Variants in GRIK2 observed in about 807,000 individuals in gnomAD.
GRIK2 encodes glutamate receptor ionotropic, kainate 2.
In GRIK2, 32 loss-of-function variants were observed where a neutral mutation model predicts 100.3. The ratio of observed to expected loss-of-function variants is 0.32; its 90% CI spans 0.24 to 0.43. The LOEUF (loss-of-function observed/expected upper bound fraction) is 0.43. GRIK2 is among the 20% of genes least tolerant of loss of function. The probability of loss-of-function intolerance (pLI) is 1.00; values close to 1 mark genes in which losing one functional copy is unlikely to be tolerated. For synonymous variants in GRIK2, 417 were observed against 389.4 expected (o/e 1.07, Z -0.83); for missense variants, 843 against 1,114.9 (o/e 0.76, Z 3.47).
chr6:101,815,649 T>G (rs893929852), intron 9 of GRIK2, among the ~76,000 whole-genome samples: 2 of 151,518 alleles, frequency 1.3e-5, no homozygotes, highest in African/African-American at 4.9e-5. Context: ...TTCAAAGGCT[T>G]GATCAAGTCA....
intron 2 of GRIK2, among the ~76,000 whole-genome samples, chr6:101,448,831 A>G (rs1770513626): frequency 6.6e-6 from 1 of 151,670 alleles, no homozygotes; most frequent in Non-Finnish European, 1.5e-5. Flanking sequence ...GTAGAAGCAT[A>G]TGGCTAGAAA....
At chr6:101,920,858 A>G (rs1394071563) in intron 12 of GRIK2, among the ~76,000 whole-genome samples, 1 of 151,822 alleles carries the variant, frequency 6.6e-6, no homozygotes, top group Non-Finnish European at 1.5e-5. Context: ...GATATTTTAT[A>G]TATGGACAAT....
chr6:101,739,747 C>T (rs957652085), intron 7 of GRIK2, among the ~76,000 whole-genome samples: 4 of 152,134 alleles, frequency 2.6e-5, no homozygotes, highest in Non-Finnish European at 5.9e-5. Context: ...TTCTTCTCCT[C>T]TAACCTACTT....
At chr6:101,955,324 G>C (rs1334053789) in intron 14 of GRIK2, among the ~76,000 whole-genome samples, 1 of 151,974 alleles carries the variant, frequency 6.6e-6, no homozygotes, top group Non-Finnish European at 1.5e-5. Flanking sequence ...AAAGCCGTTT[G>C]GTCCTAAGCT....
intron 2 of GRIK2, among the ~76,000 whole-genome samples, chr6:101,404,287 A>G (rs567573548): frequency 1.1e-4 from 17 of 152,376 alleles, no homozygotes; most frequent in African/African-American, 3.8e-4. Context: ...GGAAAATACC[A>G]TAGATCAAAC....
At chr6:101,968,377 G>GTT (rs1792829198) in intron 14 of GRIK2, among the ~76,000 whole-genome samples, 1 of 151,844 alleles carries the variant, frequency 6.6e-6, no homozygotes, top group African/African-American at 2.4e-5. Flanking sequence ...TTTCTTTACT[G>GTT]AATAAAACAA....
At chr6:101,917,707 T>C (rs1159139404) in intron 12 of GRIK2, among the ~76,000 whole-genome samples, 1 of 151,488 alleles carries the variant, frequency 6.6e-6, no homozygotes, top group Non-Finnish European at 1.5e-5. Flanking sequence ...ATAGTAATCA[T>C]CCTTCAAAAT....
chr6:101,420,971 TG>T (rs1184584648), intron 2 of GRIK2, among the ~76,000 whole-genome samples: 3 of 152,230 alleles, frequency 2.0e-5, no homozygotes, highest in South Asian at 4.2e-4. Flanking sequence ...GGAAAAGACA[TG>T]GGGCCAGTGC....
intron 7 of GRIK2, among the ~76,000 whole-genome samples, chr6:101,758,065 C>G (rs144001207): frequency 1.3e-3 from 202 of 152,040 alleles, no homozygotes; most frequent in African/African-American, 4.7e-3. Context: ...CCCAACTTTA[C>G]AAAAAATACT....
At chr6:101,970,683 T>A (rs1317507668) in intron 14 of GRIK2, among the ~76,000 whole-genome samples, 3 of 144,218 alleles carry the variant, frequency 2.1e-5, no homozygotes, top group African/African-American at 8.8e-5. Context: ...TCATGCCCCA[T>A]CCCAATATTT....
At chr6:101,429,486 G>A (rs1769252362) in intron 2 of GRIK2, among the ~76,000 whole-genome samples, 1 of 152,116 alleles carries the variant, frequency 6.6e-6, no homozygotes, top group Non-Finnish European at 1.5e-5. Context: ...CACAGACCAA[G>A]AATTATCTTG....
At chr6:101,579,866 AAAG>A (rs1263560971) in intron 2 of GRIK2, among the ~76,000 whole-genome samples, 1 of 151,676 alleles carries the variant, frequency 6.6e-6, no homozygotes, top group Admixed American at 6.6e-5. Context: ...AAAAAAAAAA[AAAG>A]AAATGCATTT....
At chr6:101,590,119 G>T (rs1348760676) in intron 2 of GRIK2, among the ~76,000 whole-genome samples, 2 of 151,874 alleles carry the variant, frequency 1.3e-5, no homozygotes, top group African/African-American at 4.8e-5. Context: ...GGAAACTCAG[G>T]CTTGTTTTTC....
intron 2 of GRIK2, among the ~76,000 whole-genome samples, chr6:101,418,492 G>A (rs1856309): frequency 0.69 from 104,465 of 151,972 alleles, 36,205 homozygotes; most frequent in East Asian, 0.92. Context: ...CTCTACAGAC[G>A]TCAAAGACTC....
At chr6:101,454,099 A>G (rs1770861971) in intron 2 of GRIK2, among the ~76,000 whole-genome samples, 1 of 152,040 alleles carries the variant, frequency 6.6e-6, no homozygotes, top group Non-Finnish European at 1.5e-5. Context: ...CTGAAGGAAG[A>G]AGGCCGATTT....
At chr6:101,469,298 T>C (rs966867594) in intron 2 of GRIK2, among the ~76,000 whole-genome samples, 13 of 152,134 alleles carry the variant, frequency 8.5e-5, no homozygotes, top group African/African-American at 2.9e-4. Flanking sequence ...GGAAAAACTG[T>C]TACTGGCATG....
chr6:101,917,031 G>A (rs1789160809), intron 12 of GRIK2, among the ~76,000 whole-genome samples: 1 of 151,502 alleles, frequency 6.6e-6, no homozygotes, highest in South Asian at 2.1e-4. Context: ...AGGTGGTAAG[G>A]TTGTCTATTA....
chr6:102,033,929 T>TA (rs1253972318), intron 14 of GRIK2, among the ~76,000 whole-genome samples: 1 of 151,448 alleles, frequency 6.6e-6, no homozygotes, highest in African/African-American at 2.4e-5. Context: ...CAACATGTCT[T>TA]AAAGTTGGTT....
chr6:101,750,595 A>G lies in GRIK2; in HGVS notation c.952-49053A>G, dbSNP rs145477486. 2.6e-3 allele frequency among the ~76,000 whole-genome samples: 394 copies of G among 152,366 alleles called. 4 individuals carry two copies. The highest frequency in any genetic ancestry group is 8.9e-3 in the African/African-American group (372 of 41,590). On this transcript the variant is annotated intron_variant, in intron 7 of 16. Transcript: ENST00000369134. ...ATTGCACATATCTATAGCACAAGCTATAGTAACAAGACTTATCAATATCTC... is the reference window on the plus strand; with the variant it reads ...ATTGCACATATCTATAGCACAAGCTGTAGTAACAAGACTTATCAATATCTC...
Sources: allele counts gnomAD v4.1 joint callset (sites outside exome capture counted in the v4.1 genomes callset), GRCh38; gene constraint gnomAD v4.1.1; transcripts MANE v1.5; gene names NCBI Gene and HGNC (gene_info 2026-07-23, HGNC 2026-07-21).